The following SPON1 variants were observed in gnomAD, a reference collection of about 807,000 sequenced individuals.
SPON1 encodes the protein spondin 1, also known as spondin-1.
SPON1 carries 52 observed loss-of-function variants against 111.7 expected under a neutral mutation model. That is an observed-to-expected ratio of 0.47 (90% CI 0.37 to 0.59). The LOEUF is 0.59. Among genes scored for constraint, SPON1 ranks in the 20% least tolerant of loss-of-function variants. The pLI is 0.00. For missense variants in SPON1, 957 were observed against 1,068.5 expected (o/e 0.90, Z 1.46); for synonymous variants, 410 against 395.8 (o/e 1.04, Z -0.43).
intron 6 of SPON1, among the ~76,000 whole-genome samples, chr11:14,206,981 A>G (rs1237187028): frequency 6.6e-6 from 1 of 152,222 alleles, no homozygotes; most frequent in Non-Finnish European, 1.5e-5. Flanking sequence ...CCTGACTTCA[A>G]ACTGTACTAC....
chr11:14,170,890 G>C (rs1401121526), intron 6 of SPON1, among the ~76,000 whole-genome samples: 1 of 151,902 alleles, frequency 6.6e-6, no homozygotes, highest in South Asian at 2.1e-4. Context: ...GCTGGATTCG[G>C]TTTGCCAGTA....
chr11:14,092,440 T>G (rs1473069884), intron 5 of SPON1, among the ~76,000 whole-genome samples: 2 of 152,222 alleles, frequency 1.3e-5, no homozygotes, highest in East Asian at 3.8e-4. Flanking sequence ...CTTTCAGTAC[T>G]CTTTGACTAA....
intron 2 of SPON1, among the ~76,000 whole-genome samples, chr11:14,001,042 A>T (rs1010167250): frequency 6.6e-6 from 1 of 152,160 alleles, no homozygotes; most frequent in Non-Finnish European, 1.5e-5. Context: ...AAAAACTGAA[A>T]ATCAACAACT....
At chr11:14,252,713 G>T (rs888967550) in intron 7 of SPON1, among the ~76,000 whole-genome samples, 1 of 152,198 alleles carries the variant, frequency 6.6e-6, no homozygotes, top group Non-Finnish European at 1.5e-5. Context: ...CAGAGTGTGG[G>T]AATCCAGCGC....
intron 3 of SPON1, among the ~76,000 whole-genome samples, chr11:14,048,668 CAATGCTGCAAG>C (rs1332999919): frequency 2.0e-5 from 3 of 152,162 alleles, no homozygotes; most frequent in African/African-American, 7.2e-5. Flanking sequence ...GCATATGCTA[CAATGCTGCAAG>C]AATGCTGCAA....
chr11:14,144,569 G>A (rs1163626052), intron 6 of SPON1, among the ~76,000 whole-genome samples: 1 of 151,666 alleles, frequency 6.6e-6, no homozygotes, highest in Non-Finnish European at 1.5e-5. Flanking sequence ...GGCAGAGGTT[G>A]CAGTGAGCTG....
chr11:14,220,310 A>G (rs970387191), intron 6 of SPON1, among the ~76,000 whole-genome samples: 3 of 152,192 alleles, frequency 2.0e-5, no homozygotes. Context: ...CACTCCGGAC[A>G]TGGTTCAGTA....
At chr11:14,024,777 T>C (rs1848506046) in intron 2 of SPON1, among the ~76,000 whole-genome samples, 1 of 152,204 alleles carries the variant, frequency 6.6e-6, no homozygotes, top group African/African-American at 2.4e-5. Context: ...GGGACCCCAC[T>C]CTTCTCTACC....
intron 5 of SPON1, among the ~76,000 whole-genome samples, chr11:14,092,469 C>G (rs1983501): frequency 1.4e-4 from 21 of 152,206 alleles, no homozygotes; most frequent in African/African-American, 5.1e-4. Context: ...TGGGAATTTA[C>G]GTTGGACACT....
At chr11:14,134,529 C>A (rs913168425) in intron 5 of SPON1, among the ~76,000 whole-genome samples, 4 of 152,218 alleles carry the variant, frequency 2.6e-5, no homozygotes, top group Admixed American at 2.6e-4. Context: ...CTGGTCACTT[C>A]CACATATCCA....
At chr11:14,207,655 C>T (rs1554936321) in intron 6 of SPON1, among the ~76,000 whole-genome samples, 2 of 152,146 alleles carry the variant, frequency 1.3e-5, no homozygotes, top group African/African-American at 4.8e-5. Flanking sequence ...ATCAAAACCA[C>T]AGTGAGATAC....
At chr11:14,002,249 C>T (rs1848324792) in intron 2 of SPON1, among the ~76,000 whole-genome samples, 1 of 152,096 alleles carries the variant, frequency 6.6e-6, no homozygotes, top group African/African-American at 2.4e-5. Context: ...TAATGAACAT[C>T]AGAATCTCCT....
At chr11:14,037,417 G>A (rs544795605) in intron 2 of SPON1, among the ~76,000 whole-genome samples, 1 of 151,580 alleles carries the variant, frequency 6.6e-6, no homozygotes, top group African/African-American at 2.4e-5. Flanking sequence ...CCCAGAAATA[G>A]ACCCACACAA....
chr11:14,128,654 G>A (rs1027081754), intron 5 of SPON1, among the ~76,000 whole-genome samples: 1 of 152,228 alleles, frequency 6.6e-6, no homozygotes. Flanking sequence ...CCACTAGACA[G>A]TGTCCCAGTG....
chr11:14,250,111 T>C (rs951750201), intron 7 of SPON1, among the ~76,000 whole-genome samples: 4 of 152,222 alleles, frequency 2.6e-5, no homozygotes, highest in Non-Finnish European at 5.9e-5. Flanking sequence ...TTGGATTAAC[T>C]CTGTAGATAA....
intron 2 of SPON1, among the ~76,000 whole-genome samples, chr11:14,010,422 G>GAATCCTCTTA (rs1848395281): frequency 6.6e-6 from 1 of 152,080 alleles, no homozygotes; most frequent in Non-Finnish European, 1.5e-5. Flanking sequence ...GTGTAGAGAT[G>GAATCCTCTTA]TAAAGGAGGG....
In SPON1 at chr11:14,164,539, G is replaced by C. The variant is rs986767467; in HGVS notation, c.825+28971G>C. 2.8e-4 allele frequency among the ~76,000 whole-genome samples: 42 copies of C among 152,006 alleles called. 2 individuals are homozygous for C. Among genetic ancestry groups the C allele is most frequent in the Admixed American group, 2.8e-3 (42 of 15,260 alleles). On this transcript the variant is annotated intron_variant, in intron 6 of 15. Transcript: ENST00000576479. ...TTTTACATAAGACAAAAATAAACCC[G>C]TTCTAAGCTACGATATTTGAGGTTT...
At chr11:14,020,224 G>C (rs1020060459) in intron 2 of SPON1, among the ~76,000 whole-genome samples, 1 of 152,198 alleles carries the variant, frequency 6.6e-6, no homozygotes, top group Admixed American at 6.5e-5. Flanking sequence ...ATAGGGAACA[G>C]GGGCCAGGGA....
chr11:14,260,453 T>C (rs1554941792), intron 13 of SPON1, 135 bp from the exon 14 acceptor site: 2 of 904,772 alleles, frequency 2.2e-6, no homozygotes, highest in South Asian at 1.9e-5. Flanking sequence ...TTCACTCTTA[T>C]TTGAACCCAT....
Sources: gnomAD v4.1 joint callset for allele counts (sites outside exome capture counted in the v4.1 genomes callset) on GRCh38, gnomAD v4.1.1 for gene constraint, MANE v1.5 for transcripts, NCBI Gene and HGNC (gene_info 2026-07-23, HGNC 2026-07-21) for gene names.